RNF180: variants seen among roughly 807,000 people sequenced by gnomAD.
RNF180 encodes the protein E3 ubiquitin-protein ligase RNF180.
In RNF180, 38 loss-of-function variants were observed where a neutral mutation model predicts 59.2. That is an observed-to-expected ratio of 0.64 (90% CI 0.50 to 0.84). RNF180 has a LOEUF of 0.84. Among genes scored for constraint, RNF180 ranks in the 40% least tolerant of loss-of-function variants. The pLI, the probability that RNF180 is intolerant of heterozygous loss-of-function variation, is 0.00. For missense variants in RNF180, 705 were observed against 700.9 expected, an observed-to-expected ratio of 1.01 and a Z score of -0.07; for synonymous variants, 262 against 240.3, an observed-to-expected ratio of 1.09 and a Z score of -0.84.
chr5:64,198,566 A>G (rs1751571257), intron 1 of RNF180, among the ~76,000 whole-genome samples: 1 of 152,176 alleles, frequency 6.6e-6, no homozygotes, highest in Admixed American at 6.5e-5. Flanking sequence ...AGGCATGGAA[A>G]AATTTCAGGG....
At chr5:64,237,619 G>A (rs1742519631) in intron 5 of RNF180, among the ~76,000 whole-genome samples, 1 of 152,128 alleles carries the variant, frequency 6.6e-6, no homozygotes, top group African/African-American at 2.4e-5. Flanking sequence ...GATTTGGGAA[G>A]GGCCAGAGGC....
At chr5:64,272,783 C>T (rs900790552) in intron 5 of RNF180, among the ~76,000 whole-genome samples, 7 of 151,680 alleles carry the variant, frequency 4.6e-5, no homozygotes, top group African/African-American at 1.7e-4. Context: ...AAGGATAATA[C>T]CTAGGGTACT....
chr5:64,226,130 G>A (rs569304991), intron 5 of RNF180, among the ~76,000 whole-genome samples: 11 of 152,122 alleles, frequency 7.2e-5, no homozygotes, highest in South Asian at 2.1e-4. Flanking sequence ...GCCTCTGCCC[G>A]GCTGCCCCAT....
At chr5:64,273,984 A>G (rs1318248794) in intron 5 of RNF180, among the ~76,000 whole-genome samples, 4 of 152,040 alleles carry the variant, frequency 2.6e-5, no homozygotes, top group Non-Finnish European at 4.4e-5. Context: ...AAAGAGTTCA[A>G]TTTAGTTTAG....
chr5:64,240,177 G>T (rs1742714029), intron 5 of RNF180, among the ~76,000 whole-genome samples: 1 of 152,038 alleles, frequency 6.6e-6, no homozygotes, highest in Non-Finnish European at 1.5e-5. Context: ...GCATTTCATT[G>T]TTTGCTTTTC....
intron 1 of RNF180, among the ~76,000 whole-genome samples, chr5:64,178,033 G>A (rs1020436546): frequency 3.3e-5 from 5 of 151,726 alleles, no homozygotes; most frequent in Admixed American, 6.6e-5. Flanking sequence ...GTGAAACCCC[G>A]TCTCTACTAA....
chr5:64,249,201 A>G (rs528573265), intron 5 of RNF180, among the ~76,000 whole-genome samples: 83 of 152,366 alleles, frequency 5.4e-4, no homozygotes, highest in African/African-American at 1.9e-3. Context: ...GTGTATAGCT[A>G]TGTAACAATC....
At chr5:64,277,060 G>A (rs1741758954) in intron 5 of RNF180, among the ~76,000 whole-genome samples, 1 of 151,798 alleles carries the variant, frequency 6.6e-6, no homozygotes, top group South Asian at 2.1e-4. Context: ...TGCTATGGAT[G>A]GAATTACATC....
chr5:64,276,938 C>T (rs1184794152), intron 5 of RNF180, among the ~76,000 whole-genome samples: 1 of 152,044 alleles, frequency 6.6e-6, no homozygotes, highest in Non-Finnish European at 1.5e-5. Flanking sequence ...TTAACACTCA[C>T]AATCTTGAAG....
At chr5:64,357,908 G>A (rs1413583664) in intron 7 of RNF180, among the ~76,000 whole-genome samples, 1 of 151,844 alleles carries the variant, frequency 6.6e-6, no homozygotes, top group African/African-American at 2.4e-5. Context: ...GAGTAACTTT[G>A]TAATTTTTAT....
At chr5:64,339,994 ACT>A (rs896844570) in intron 7 of RNF180, among the ~76,000 whole-genome samples, 3 of 151,976 alleles carry the variant, frequency 2.0e-5, no homozygotes, top group African/African-American at 4.8e-5. Context: ...TGCATGGATG[ACT>A]CTGTCAATTG....
At position 64,178,002 on chromosome 5, in the gene RNF180, G is replaced by C. The variant is rs1469204600; in HGVS notation, c.-1+12049G>C. Reference sequence around the variant, plus strand: ...GGGTGGATAATGAGGTCAGGAGATTGAGACCATCCTGACTGACATAGTGAA... The same window carrying C: ...GGGTGGATAATGAGGTCAGGAGATTCAGACCATCCTGACTGACATAGTGAA... On this transcript the variant is annotated intron_variant, in intron 1 of 7. Transcript: ENST00000389100. 3.3e-5 allele frequency among the ~76,000 whole-genome samples: 5 copies of C among 151,976 alleles called. No individual in the cohort carries two copies. In the East Asian group the frequency reaches 9.7e-4, roughly 29 times the overall value.
intron 7 of RNF180, among the ~76,000 whole-genome samples, chr5:64,344,284 C>T (rs1375022382): frequency 6.6e-6 from 1 of 152,066 alleles, no homozygotes; most frequent in East Asian, 1.9e-4. Flanking sequence ...CAAAAGAAAG[C>T]AGCTGTGGCT....
intron 2 of RNF180, among the ~76,000 whole-genome samples, chr5:64,203,848 A>T (rs1751874740): frequency 6.6e-6 from 1 of 151,326 alleles, no homozygotes; most frequent in Non-Finnish European, 1.5e-5. Flanking sequence ...TTTATAAAAC[A>T]TATTTTATAT....
At chr5:64,202,661 C>T (rs889573234) in intron 2 of RNF180, among the ~76,000 whole-genome samples, 1 of 152,056 alleles carries the variant, frequency 6.6e-6, no homozygotes, top group Non-Finnish European at 1.5e-5. Flanking sequence ...ATAATTTTAG[C>T]CATTCTGATG....
At chr5:64,329,975 AG>A (rs1386252560) in intron 6 of RNF180, among the ~76,000 whole-genome samples, 1 of 152,112 alleles carries the variant, frequency 6.6e-6, no homozygotes, top group African/African-American at 2.4e-5. Flanking sequence ...TTTAGACTAC[AG>A]TTGTTTTAAG....
intron 5 of RNF180, among the ~76,000 whole-genome samples, chr5:64,257,259 G>C (rs961762744): frequency 9.2e-5 from 14 of 152,210 alleles, no homozygotes; most frequent in African/African-American, 2.7e-4. Context: ...AGTGGTGAGA[G>C]AGGGCATCCT....
chr5:64,359,536 C>A (rs1432673783), intron 7 of RNF180, among the ~76,000 whole-genome samples: 1 of 151,906 alleles, frequency 6.6e-6, no homozygotes, highest in Non-Finnish European at 1.5e-5. Flanking sequence ...TGGATATTAG[C>A]CCTTTGTCAG....
rs1231707411 is a variant in RNF180 at position 64,214,169 on chromosome 5, G to T, written c.843G>T (p.Gln281His). 2 of 1,614,016 alleles carry T rather than the reference G, an allele frequency of 1.2e-6. No individual in the cohort carries two copies. Among genetic ancestry groups the T allele is most frequent in the African/African-American group, 2.7e-5 (2 of 75,006 alleles). ...CTAGTAAAAATAGCTATTCCTTTCA[G>T]AATCCATCCAGTTTTGATCCTAGTA... ...LQSSKNSYSF[Q>H]NPSSFDPSML... is the part of the protein sequence containing the mutation. The change falls in exon 4 of 8, where the codon CAG becomes CAT. Residue 281 changes from glutamine to histidine, a missense_variant. Gln to His is a conservative substitution (Grantham distance 24). Transcript: ENST00000389100.
Sources: gnomAD v4.1 joint callset for allele counts (sites outside exome capture counted in the v4.1 genomes callset) on GRCh38, gnomAD v4.1.1 for gene constraint, MANE v1.5 for transcripts, NCBI Gene and HGNC (gene_info 2026-07-23, HGNC 2026-07-21) for gene names.